Variants in TBC1D4 observed in about 807,000 individuals in gnomAD.
TBC1D4 encodes TBC (Tre-2, BUB2, CDC16) domain-containing protein.
A neutral mutation model predicts 142.5 loss-of-function variants in TBC1D4; 121 were observed. The observed-to-expected ratio is 0.85, with a 90% CI of 0.73 to 0.99. The LOEUF (loss-of-function observed/expected upper bound fraction) is 0.99. Ranked by LOEUF, TBC1D4 falls within the 50% of genes least tolerant of loss-of-function variation. The pLI, the probability that TBC1D4 is intolerant of heterozygous loss-of-function variation, is 0.00. For missense variants in TBC1D4, 1,475 were observed against 1,606.6 expected, an observed-to-expected ratio of 0.92 and a Z score of 1.40; for synonymous variants, 630 against 628.2, an observed-to-expected ratio of 1.00 and a Z score of -0.04.
chr13:75,429,783 C>G (rs554959515), intron 1 of TBC1D4, among the ~76,000 whole-genome samples: 17 of 151,728 alleles, frequency 1.1e-4, no homozygotes, highest in African/African-American at 3.4e-4. Context: ...AAAAATTGGA[C>G]CAAAAAAGAA....
chr13:75,304,777 G>A (rs186092873), intron 15 of TBC1D4, among the ~76,000 whole-genome samples: 2 of 152,066 alleles, frequency 1.3e-5, no homozygotes, highest in African/African-American at 2.4e-5. Context: ...AAGGGAGATG[G>A]GAAATGAGAA....
At chr13:75,394,465 T>A (rs1019485044) in intron 1 of TBC1D4, among the ~76,000 whole-genome samples, 1 of 152,186 alleles carries the variant, frequency 6.6e-6, no homozygotes, top group African/African-American at 2.4e-5. Flanking sequence ...CAATGGTCAT[T>A]TTGGCTATGT....
intron 8 of TBC1D4, among the ~76,000 whole-genome samples, chr13:75,333,149 G>A (rs537395598): frequency 6.6e-6 from 1 of 152,264 alleles, no homozygotes; most frequent in South Asian, 2.1e-4. Flanking sequence ...TACACTGAAG[G>A]TGAAATTTTT....
Position 75,470,506 on chromosome 13 carries a change from C to T in TBC1D4, c.498+10764G>A, listed in dbSNP as rs545511295. Among the ~76,000 whole-genome samples, 48 of 152,154 alleles carry T rather than the reference C, an allele frequency of 3.2e-4. No homozygotes were observed. In the South Asian group the frequency reaches 3.9e-3, roughly 13 times the overall value. ...GTCCAGCAATCATATTGTAACAAAA[C>T]GTCCAAGGGAGGAGTCCTAAATTTG... On this transcript the variant is annotated intron_variant, in intron 1 of 20. Coordinates refer to ENST00000377636, the MANE Select transcript of TBC1D4 (RefSeq NM_014832.5).
At chr13:75,323,347 A>C (rs1211208600) in intron 11 of TBC1D4, among the ~76,000 whole-genome samples, 1 of 152,142 alleles carries the variant, frequency 6.6e-6, no homozygotes, top group Non-Finnish European at 1.5e-5. Context: ...AAGTCAAGCT[A>C]TACACAAAAA....
intron 9 of TBC1D4, 128 bp downstream of exon 9, chr13:75,327,624 A>G (rs945192494): frequency 2.2e-6 from 2 of 888,972 alleles, no homozygotes; most frequent in Admixed American, 2.0e-5. Flanking sequence ...TTAAAATAAT[A>G]AAGTCTCAAA....
chr13:75,466,785 C>T (rs113445492), intron 1 of TBC1D4, among the ~76,000 whole-genome samples: 52 of 151,948 alleles, frequency 3.4e-4, no homozygotes, highest in African/African-American at 9.9e-4. Context: ...GCAGGAGAAT[C>T]GCTTAAGCCA....
At chr13:75,370,661 G>C (rs1883174665) in intron 1 of TBC1D4, among the ~76,000 whole-genome samples, 1 of 152,172 alleles carries the variant, frequency 6.6e-6, no homozygotes, top group South Asian at 2.1e-4. Context: ...ACAGACTGCA[G>C]GTGGGTGATG....
At chr13:75,471,715 T>G (rs1019871964) in intron 1 of TBC1D4, among the ~76,000 whole-genome samples, 10 of 144,434 alleles carry the variant, frequency 6.9e-5, no homozygotes, top group African/African-American at 2.6e-4. Flanking sequence ...CACTCCAGCC[T>G]AGGTGACGGT....
intron 4 of TBC1D4, among the ~76,000 whole-genome samples, chr13:75,352,555 T>C (rs747198023): frequency 2.6e-5 from 4 of 152,124 alleles, no homozygotes; most frequent in Non-Finnish European, 4.4e-5. Flanking sequence ...TCTACAAATC[T>C]CAAGGGTTGG....
intron 2 of TBC1D4, among the ~76,000 whole-genome samples, chr13:75,360,109 T>C (rs1452024807): frequency 7.6e-6 from 1 of 130,850 alleles, no homozygotes; most frequent in African/African-American, 2.7e-5. Context: ...GATACAAATA[T>C]TTTTCAGATT....
intron 1 of TBC1D4, chr13:75,366,930 A>G (rs1882947299): frequency 2.0e-6 from 2 of 985,324 alleles, no homozygotes; most frequent in South Asian, 4.7e-5. Flanking sequence ...TCAGGAAGCC[A>G]GCTGGAAACT....
In TBC1D4 at chr13:75,472,123, A is replaced by AAAG. The variant is rs1555326444; in HGVS notation, c.498+9146_498+9147insCTT. Among the ~76,000 whole-genome samples, 245 of 146,962 alleles carry AAAG rather than the reference A, an allele frequency of 1.7e-3. 1 individual carries two copies. Among genetic ancestry groups the AAAG allele is most frequent in the African/African-American group, 5.7e-3 (228 of 39,654 alleles). ...CTCTGTCTCAAAAAAAAAAAAAAAA[A>AAAG]AAAGAAAAGAAATATGGATGGGCCA... On this transcript the variant is annotated intron_variant, in intron 1 of 20. Transcript: ENST00000377636.
chr13:75,299,251 T>C, intron 17 of TBC1D4, 79 bp downstream of exon 17: 1 of 1,602,718 alleles, frequency 6.2e-7, no homozygotes, highest in Non-Finnish European at 8.5e-7. Flanking sequence ...TCTTTAAATC[T>C]GAACTGTAAT....
chr13:75,316,403 G>C (rs1878321574), intron 12 of TBC1D4: 1 of 152,076 alleles, frequency 6.6e-6, no homozygotes, highest in Admixed American at 6.6e-5. Context: ...GGAATTTACT[G>C]ACTAGTAATA....
At chr13:75,389,598 CAGTT>C (rs1884360271) in intron 1 of TBC1D4, among the ~76,000 whole-genome samples, 1 of 151,310 alleles carries the variant, frequency 6.6e-6, no homozygotes, top group Non-Finnish European at 1.5e-5. Flanking sequence ...TTATGAGAAA[CAGTT>C]AATTAAACTG....
At chr13:75,429,155 C>A (rs182278569) in intron 1 of TBC1D4, among the ~76,000 whole-genome samples, 1 of 152,170 alleles carries the variant, frequency 6.6e-6, no homozygotes. Context: ...GTTTTCAAAT[C>A]GTAAAATCAC....
At chr13:75,289,282 A>G (rs1875022813) in intron 19 of TBC1D4, among the ~76,000 whole-genome samples, 172 bp from the exon 20 acceptor site, 1 of 152,226 alleles carries the variant, frequency 6.6e-6, no homozygotes, top group Non-Finnish European at 1.5e-5. Context: ...AATTAGATAT[A>G]GTTTACACTG....
chr13:75,440,088 T>C (rs1352764151), intron 1 of TBC1D4, among the ~76,000 whole-genome samples: 1 of 151,908 alleles, frequency 6.6e-6, no homozygotes, highest in African/African-American at 2.4e-5. Context: ...CACTGGTAAT[T>C]AAAAAGACGA....
Sources: allele counts gnomAD v4.1 joint callset (sites outside exome capture counted in the v4.1 genomes callset), GRCh38; gene constraint gnomAD v4.1.1; transcripts MANE v1.5; gene names NCBI Gene and HGNC (gene_info 2026-07-23, HGNC 2026-07-21).